Variants in SEMA5A observed in about 807,000 individuals in gnomAD.
SEMA5A encodes the protein semaphorin 5A, also known as semaphorin-5A.
SEMA5A carries 55 observed loss-of-function variants against 135.5 expected under a neutral mutation model. The observed-to-expected ratio is 0.41, with a 90% CI of 0.33 to 0.51. The LOEUF is 0.51. SEMA5A is among the 20% of genes least tolerant of loss of function. The probability of loss-of-function intolerance (pLI) is 0.37; values close to 1 mark genes in which losing one functional copy is unlikely to be tolerated. For synonymous variants in SEMA5A, 580 were observed against 546.5 expected, an observed-to-expected ratio of 1.06 and a Z score of -0.85; for missense variants, 1,290 against 1,419.9, an observed-to-expected ratio of 0.91 and a Z score of 1.47.
At chr5:9,319,001 T>C (rs1579336371) in intron 4 of SEMA5A, among the ~76,000 whole-genome samples, 1 of 151,178 alleles carries the variant, frequency 6.6e-6, no homozygotes, top group South Asian at 2.1e-4. Flanking sequence ...GAGGCAGAGG[T>C]TGCCAGGCTC....
At chr5:9,318,264 C>T in intron 5 of SEMA5A, 108 bp downstream of exon 5, 1 of 1,057,138 alleles carries the variant, frequency 9.5e-7, no homozygotes, top group Non-Finnish European at 1.4e-6. Flanking sequence ...GAAACGAGCC[C>T]CTGCTCAGGC....
At chr5:9,474,646 C>A (rs1326841079) in intron 1 of SEMA5A, among the ~76,000 whole-genome samples, 2 of 152,202 alleles carry the variant, frequency 1.3e-5, no homozygotes, top group African/African-American at 4.8e-5. Flanking sequence ...TGAATGTGCC[C>A]GTGATTGCAG....
At position 9,093,505 on chromosome 5, in the gene SEMA5A, A is replaced by G. The variant is rs1029843302; in HGVS notation, c.2073+14635T>C. Among the ~76,000 whole-genome samples the G allele has an allele frequency of 5.3e-5, 8 of 152,100 alleles. No individual in the cohort carries two copies. The East Asian group carries it at 1.6e-3, about 30-fold the overall frequency. ...AGGTGGCTCACGAGGTCAGGAGTTC[A>G]AGACCAGCCTGACGAATATGGTGAA... On this transcript the variant is annotated intron_variant, in intron 16 of 22. Transcript: ENST00000382496.
chr5:9,102,898 G>C (rs1739706609), intron 16 of SEMA5A, among the ~76,000 whole-genome samples: 2 of 152,176 alleles, frequency 1.3e-5, no homozygotes, highest in Non-Finnish European at 2.9e-5. Flanking sequence ...GTATTAGTGA[G>C]GTTGTTTAAA....
chr5:9,289,207 T>A (rs1334731614), intron 5 of SEMA5A, among the ~76,000 whole-genome samples: 2 of 152,334 alleles, frequency 1.3e-5, no homozygotes, highest in Non-Finnish European at 2.9e-5. Context: ...AAATACAGTA[T>A]ACACATCTGA....
intron 5 of SEMA5A, among the ~76,000 whole-genome samples, chr5:9,240,061 G>C (rs993140067): frequency 1.3e-5 from 2 of 151,962 alleles, no homozygotes; most frequent in Non-Finnish European, 2.9e-5. Context: ...GAAAATAAGA[G>C]AAGAAAGAAT....
chr5:9,498,020 T>C (rs1459958727), intron 1 of SEMA5A, among the ~76,000 whole-genome samples: 1 of 152,222 alleles, frequency 6.6e-6, no homozygotes, highest in Non-Finnish European at 1.5e-5. Context: ...TGATCCTGTA[T>C]GTAAGTGGGT....
intron 11 of SEMA5A, among the ~76,000 whole-genome samples, chr5:9,174,960 A>C (rs1034594698): frequency 1.3e-5 from 2 of 152,226 alleles, no homozygotes; most frequent in Admixed American, 6.5e-5. Flanking sequence ...CCCTGAGCAA[A>C]GATTCCATTT....
At chr5:9,101,771 A>G (rs948297582) in intron 16 of SEMA5A, among the ~76,000 whole-genome samples, 2 of 152,122 alleles carry the variant, frequency 1.3e-5, no homozygotes, top group Non-Finnish European at 2.9e-5. Flanking sequence ...TTAGTACCCT[A>G]TTCAATAGTA....
intron 2 of SEMA5A, among the ~76,000 whole-genome samples, chr5:9,412,714 T>C (rs1371130272): frequency 6.6e-6 from 1 of 151,842 alleles, no homozygotes; most frequent in African/African-American, 2.4e-5. Context: ...ACGCATAGCC[T>C]GAAGGTGATT....
At chr5:9,389,831 C>T (rs916500371) in intron 2 of SEMA5A, among the ~76,000 whole-genome samples, 2 of 152,166 alleles carry the variant, frequency 1.3e-5, no homozygotes, top group South Asian at 2.1e-4. Flanking sequence ...CCCCACTGTA[C>T]GTTGATTCTT....
intron 15 of SEMA5A, among the ~76,000 whole-genome samples, chr5:9,115,013 G>A (rs1476105583): frequency 2.0e-5 from 3 of 152,182 alleles, no homozygotes; most frequent in African/African-American, 4.8e-5. Context: ...GGAGGGTGTT[G>A]TCTCTCAGCC....
At position 9,442,381 on chromosome 5, in the gene SEMA5A, C is replaced by T. The variant is rs78220830; in HGVS notation, c.-174-4529G>A. On this transcript the variant is annotated intron_variant, in intron 1 of 22. Coordinates refer to ENST00000382496, the MANE Select transcript of SEMA5A (RefSeq NM_003966.3). ...CTTGTGGGGGAAGAAGCACTGTCCA[C>T]GTGTCTCCACTGGAAAGAGACCATC... is the stretch of plus-strand genomic sequence containing the variant. 1.9e-3 allele frequency among the ~76,000 whole-genome samples: 285 copies of T among 152,124 alleles called. 2 individuals carry two copies. Among genetic ancestry groups the T allele is most frequent in the African/African-American group, 6.5e-3 (271 of 41,406 alleles).
intron 5 of SEMA5A, among the ~76,000 whole-genome samples, chr5:9,308,640 C>CTGAA (rs1346050307): frequency 2.0e-5 from 3 of 152,088 alleles, no homozygotes; most frequent in African/African-American, 7.2e-5. Flanking sequence ...TCACTGTAAG[C>CTGAA]CAGATGTCAA....
Position 9,281,479 on chromosome 5 carries a change from C to T in SEMA5A, c.270+36893G>A, listed in dbSNP as rs149320551. Among the ~76,000 whole-genome samples the T allele has an allele frequency of 8.3e-3, 1,265 of 152,282 alleles. 15 individuals are homozygous for T. The highest frequency in any genetic ancestry group is 0.029 in the African/African-American group (1,207 of 41,530). On this transcript the variant is annotated intron_variant, in intron 5 of 22. Coordinates refer to ENST00000382496, the MANE Select transcript of SEMA5A (RefSeq NM_003966.3). ...GGATGCTGCTAAATGTCCTATGCTG[C>T]CCAGGGCAGCCTACACAACAGTGAA...
intron 5 of SEMA5A, among the ~76,000 whole-genome samples, chr5:9,256,457 C>G (rs1481221935): frequency 2.0e-5 from 3 of 152,166 alleles, no homozygotes; most frequent in Admixed American, 6.5e-5. Flanking sequence ...CTCACCTGTG[C>G]CTGACTCCTC....
intron 5 of SEMA5A, among the ~76,000 whole-genome samples, chr5:9,247,103 G>A (rs1186265782): frequency 1.3e-5 from 2 of 152,180 alleles, no homozygotes; most frequent in African/African-American, 4.8e-5. Flanking sequence ...AGCAACCACA[G>A]CATGAATGCA....
At chr5:9,171,865 G>T (rs571620462) in intron 11 of SEMA5A, among the ~76,000 whole-genome samples, 1 of 152,306 alleles carries the variant, frequency 6.6e-6, no homozygotes, top group South Asian at 2.1e-4. Context: ...CCAACTTACA[G>T]GGCACAGAAA....
intron 2 of SEMA5A, among the ~76,000 whole-genome samples, chr5:9,426,480 T>TAAAATAAAC (rs1757667449): frequency 4.0e-5 from 1 of 24,976 alleles, no homozygotes; most frequent in Non-Finnish European, 1.1e-4. Flanking sequence ...ATAAAATAAA[T>TAAAATAAAC]GTGTATTGTC....
Sources: allele counts gnomAD v4.1 joint callset (sites outside exome capture counted in the v4.1 genomes callset), GRCh38; gene constraint gnomAD v4.1.1; transcripts MANE v1.5; gene names NCBI Gene and HGNC (gene_info 2026-07-23, HGNC 2026-07-21).